Variants in AKR1D1 observed in about 807,000 individuals in gnomAD.
AKR1D1 encodes the protein delta(4)-3-ketosteroid 5-beta-reductase.
Under a neutral mutation model 42.6 loss-of-function variants are expected in AKR1D1, and 32 were observed. That is an observed-to-expected ratio of 0.75 (90% confidence interval 0.57 to 1.01). AKR1D1 has a LOEUF of 1.01. AKR1D1 is among the 50% of genes least tolerant of loss of function. The pLI is 0.00. For missense variants in AKR1D1, 364 were observed against 402.2 expected, an observed-to-expected ratio of 0.91 and a Z score of 0.81; for synonymous variants, 123 against 135.5, an observed-to-expected ratio of 0.91 and a Z score of 0.64.
intron 8 of AKR1D1, among the ~76,000 whole-genome samples, chr7:138,114,730 T>C (rs894014571): frequency 2.6e-5 from 4 of 151,550 alleles, no homozygotes; most frequent in African/African-American, 9.7e-5. Context: ...CATATACATA[T>C]ATATACTCAT....
chr7:138,094,187 G>C (rs571086442), intron 3 of AKR1D1, among the ~76,000 whole-genome samples: 1 of 152,130 alleles, frequency 6.6e-6, no homozygotes, highest in Non-Finnish European at 1.5e-5. Flanking sequence ...GCTTAAGTAC[G>C]ACATGTTTTT....
intron 7 of AKR1D1, among the ~76,000 whole-genome samples, chr7:138,112,852 A>G (rs550165524): frequency 1.3e-5 from 2 of 151,846 alleles, no homozygotes; most frequent in Non-Finnish European, 2.9e-5. Context: ...AAATGTTAAT[A>G]AGGGACAATC....
intron 1 of AKR1D1, 52 bp downstream of exon 1, chr7:138,076,663 G>A (rs1053384383): frequency 6.9e-7 from 1 of 1,453,204 alleles, no homozygotes; most frequent in African/African-American, 1.4e-5. Flanking sequence ...TTTAACATTT[G>A]CCTATAGCAT....
chr7:138,081,495 G>T, intron 1 of AKR1D1, among the ~76,000 whole-genome samples: 1 of 127,274 alleles, frequency 7.9e-6, no homozygotes. Context: ...AAATATAAAA[G>T]GAACTCCTAC....
At chr7:138,106,501 A>G in intron 5 of AKR1D1, 107 bp from the exon 6 acceptor site, 2 of 808,882 alleles carry the variant, frequency 2.5e-6, no homozygotes, top group Non-Finnish European at 2.1e-6. Context: ...TATGAAGGAG[A>G]TTCTATTAAT....
chr7:138,109,127 A>T (rs1229330737), intron 7 of AKR1D1, among the ~76,000 whole-genome samples: 1 of 152,236 alleles, frequency 6.6e-6, no homozygotes, highest in African/African-American at 2.4e-5. Context: ...TTGTACACTG[A>T]AATATCATAT....
intron 7 of AKR1D1, among the ~76,000 whole-genome samples, chr7:138,111,638 A>AG (rs771765551): frequency 6.6e-6 from 1 of 152,204 alleles, no homozygotes; most frequent in Non-Finnish European, 1.5e-5. Context: ...GTGCCATGGG[A>AG]GAAAAAAAAG....
rs201088819 is a variant in AKR1D1, at chr7:138,116,710, C to T, written c.*48C>T. The T allele has an allele frequency of 2.0e-3, 3,017 of 1,534,502 alleles. 39 individuals carry two copies. Among genetic ancestry groups the T allele is most frequent in the South Asian group, 0.014 (1,265 of 89,588 alleles). On this transcript the variant is annotated 3_prime_UTR_variant, in exon 9 of 9. Transcript: ENST00000242375. ...TTTTTCACTCCCACGAGTGCCAAGA[C>T]GGTGCAATGGGTAGTCCCCTAGATG...
chr7:138,111,445 T>C (rs1328472637), intron 7 of AKR1D1, among the ~76,000 whole-genome samples: 1 of 152,182 alleles, frequency 6.6e-6, no homozygotes, highest in African/African-American at 2.4e-5. Context: ...GACCTCCACA[T>C]TGCTAGATCC....
intron 3 of AKR1D1, among the ~76,000 whole-genome samples, chr7:138,097,003 C>CAAA (rs1794197483): frequency 6.6e-6 from 1 of 152,138 alleles, no homozygotes; most frequent in African/African-American, 2.4e-5. Context: ...ATTTCAAAGT[C>CAAA]AAAATATCCA....
intron 5 of AKR1D1, 36 bp downstream of exon 5, chr7:138,105,465 TGGGG>T: frequency 6.2e-7 from 1 of 1,611,928 alleles, no homozygotes; most frequent in Non-Finnish European, 8.5e-7. Context: ...GTGTGGGGAG[TGGGG>T]GCAGGATTTA....
chr7:138,111,019 C>T (rs965631342), intron 7 of AKR1D1, among the ~76,000 whole-genome samples: 6 of 152,134 alleles, frequency 3.9e-5, no homozygotes, highest in African/African-American at 1.4e-4. Context: ...GTTCTCCACC[C>T]TTATCCGACA....
chr7:138,108,433 A>T (rs1794475165), intron 7 of AKR1D1, among the ~76,000 whole-genome samples: 1 of 152,238 alleles, frequency 6.6e-6, no homozygotes, highest in African/African-American at 2.4e-5. Context: ...ATATCAGAAA[A>T]TAATCAAAAT....
At position 138,086,597 on chromosome 7, in the gene AKR1D1, C is replaced by T. The variant is rs183668439; in HGVS notation, c.94-2004C>T. On this transcript the variant is annotated intron_variant, in intron 1 of 8. Transcript: ENST00000242375. ...GGGGGAAAAAATACAATATATGTCC[C>T]CAAGGCTTTCTATATCCTGCCCAGG... Among the ~76,000 whole-genome samples the T allele has an allele frequency of 5.3e-4, 80 of 152,238 alleles. 1 individual carries two copies. Among genetic ancestry groups the T allele is most frequent in the Non-Finnish European group, 2.9e-5 (2 of 68,008 alleles).
intron 1 of AKR1D1, among the ~76,000 whole-genome samples, chr7:138,079,112 G>A (rs1221331617): frequency 6.6e-6 from 1 of 152,134 alleles, no homozygotes; most frequent in Non-Finnish European, 1.5e-5. Context: ...GATTACAGGC[G>A]TGAGCCATGA....
intron 1 of AKR1D1, among the ~76,000 whole-genome samples, chr7:138,083,738 A>T (rs1803105649): frequency 6.6e-6 from 1 of 152,088 alleles, no homozygotes; most frequent in Non-Finnish European, 1.5e-5. Context: ...AAAATCTTTA[A>T]TCCATTTTGA....
At chr7:138,114,566 A>G (rs973238245) in intron 8 of AKR1D1, among the ~76,000 whole-genome samples, 1 of 151,072 alleles carries the variant, frequency 6.6e-6, no homozygotes, top group Non-Finnish European at 1.5e-5. Flanking sequence ...AGGCTGAGGC[A>G]GGAGAATTGC....
intron 8 of AKR1D1, among the ~76,000 whole-genome samples, chr7:138,114,187 T>C (rs1251285335): frequency 6.6e-6 from 1 of 152,188 alleles, no homozygotes; most frequent in Non-Finnish European, 1.5e-5. Flanking sequence ...GATGATGTTG[T>C]AGAAAGAGCA....
chr7:138,081,122 T>C (rs1307680467), intron 1 of AKR1D1, among the ~76,000 whole-genome samples: 4 of 152,204 alleles, frequency 2.6e-5, no homozygotes, highest in Admixed American at 1.3e-4. Flanking sequence ...ATATCTACTA[T>C]AGTGGGCTCC....
Sources: gnomAD v4.1 joint callset for allele counts (sites outside exome capture counted in the v4.1 genomes callset) on GRCh38, gnomAD v4.1.1 for gene constraint, MANE v1.5 for transcripts, NCBI Gene and HGNC (gene_info 2026-07-23, HGNC 2026-07-21) for gene names.